LRRC7: variants seen among roughly 807,000 people sequenced by gnomAD.
The protein encoded by LRRC7 is leucine-rich repeat-containing protein 7.
Under a neutral mutation model 175.7 loss-of-function variants are expected in LRRC7, and 23 were observed. The ratio of observed to expected loss-of-function variants is 0.13; its 90% CI spans 0.09 to 0.19. LRRC7 has a LOEUF of 0.19. LRRC7 is among the 10% of genes least tolerant of loss of function. The probability of loss-of-function intolerance (pLI) is 1.00; values close to 1 mark genes in which losing one functional copy is unlikely to be tolerated. For synonymous variants in LRRC7, 685 were observed against 680.9 expected, an observed-to-expected ratio of 1.01 and a Z score of -0.09; for missense variants, 1,354 against 1,904.7, an observed-to-expected ratio of 0.71 and a Z score of 5.38.
intron 4 of LRRC7, among the ~76,000 whole-genome samples, chr1:69,797,406 A>G (rs530342121): frequency 6.6e-5 from 10 of 152,266 alleles, no homozygotes; most frequent in Admixed American, 6.5e-4. Flanking sequence ...AACACTCCCA[A>G]TATAAAGTAT....
chr1:69,891,972 CA>C (rs988257160), intron 7 of LRRC7, among the ~76,000 whole-genome samples: 1 of 122,122 alleles, frequency 8.2e-6, no homozygotes, highest in African/African-American at 2.7e-5. Flanking sequence ...ATTCTCATCA[CA>C]AAAAAAGAAA....
At chr1:69,621,731 G>T (rs1650643551) in intron 1 of LRRC7, among the ~76,000 whole-genome samples, 1 of 152,128 alleles carries the variant, frequency 6.6e-6, no homozygotes, top group African/African-American at 2.4e-5. Flanking sequence ...TGTATTCAAA[G>T]CTTCTTTCTA....
At chr1:69,754,624 T>C (rs938806172) in intron 2 of LRRC7, among the ~76,000 whole-genome samples, 10 of 151,972 alleles carry the variant, frequency 6.6e-5, no homozygotes, top group African/African-American at 9.7e-5. Flanking sequence ...ATGAGGAAAC[T>C]GATAGAGGTA....
chr1:69,653,083 A>G (rs1221064302), intron 1 of LRRC7, among the ~76,000 whole-genome samples: 1 of 152,134 alleles, frequency 6.6e-6, no homozygotes, highest in Non-Finnish European at 1.5e-5. Flanking sequence ...AACAAAAGTA[A>G]GAATAGACAT....
chr1:70,078,321 T>C (rs992511411), intron 24 of LRRC7, among the ~76,000 whole-genome samples: 3 of 152,220 alleles, frequency 2.0e-5, no homozygotes, highest in Non-Finnish European at 4.4e-5. Flanking sequence ...TGAGTCAGTT[T>C]CTTAAAGCTG....
intron 7 of LRRC7, among the ~76,000 whole-genome samples, chr1:69,909,619 A>C (rs1183012881): frequency 1.3e-5 from 2 of 152,232 alleles, no homozygotes; most frequent in East Asian, 3.9e-4. Flanking sequence ...TCTGGCTTGT[A>C]GGGTTTCTGC....
Position 69,861,056 on chromosome 1 carries a change from ACT to A in LRRC7, c.647+22777_647+22778del, listed in dbSNP as rs941927113. Among the ~76,000 whole-genome samples, 17 of 152,060 alleles carry A rather than the reference ACT, an allele frequency of 1.1e-4. 1 individual carries two copies. The highest frequency in any genetic ancestry group is 2.9e-4 in the African/African-American group (12 of 41,516). On this transcript the variant is annotated intron_variant, in intron 7 of 26. Transcript: ENST00000651989. ...AGAGTGTGAGAAAGAGGAGGAAAAC[ACT>A]CTCATTTTATAAGTATAATTGTAAA...
At position 70,038,802 on chromosome 1, in the gene LRRC7, T is replaced by C; in HGVS notation, c.2978T>C (p.Ile993Thr). The C allele has an allele frequency of 3.7e-6, 6 of 1,614,074 alleles. No individual in the cohort carries two copies. ...TCACAGAGTATCGATGAGATTGACATTGGTACATATAAGGTGTATAACATA... is the reference window on the plus strand; with the variant it reads ...TCACAGAGTATCGATGAGATTGACACTGGTACATATAAGGTGTATAACATA... ...KKSQSIDEIDIGTYKVYNIPL... is the reference protein window; with the variant it reads ...KKSQSIDEIDTGTYKVYNIPL... Residue 993 changes from isoleucine (I) to threonine (T), a missense_variant, in exon 21 of 27, where the codon ATT (isoleucine) becomes ACT (threonine). Transcript: ENST00000651989.
chr1:70,106,285 G>A (rs1252293511), intron 25 of LRRC7, among the ~76,000 whole-genome samples: 5 of 151,998 alleles, frequency 3.3e-5, no homozygotes, highest in African/African-American at 4.8e-5. Context: ...AAGAAACTCC[G>A]TACATGTTAA....
At chr1:69,974,996 ATTAT>A (rs1201063952) in intron 8 of LRRC7, among the ~76,000 whole-genome samples, 17 of 152,162 alleles carry the variant, frequency 1.1e-4, no homozygotes, top group Admixed American at 2.6e-4. Flanking sequence ...TTATTATCAG[ATTAT>A]TTATCCATAA....
chr1:69,772,481 G>A (rs536153234), intron 3 of LRRC7, among the ~76,000 whole-genome samples: 64 of 152,328 alleles, frequency 4.2e-4, no homozygotes, highest in African/African-American at 1.5e-3. Context: ...ATGGTCTTAA[G>A]ATTTTATTCT....
At chr1:69,838,348 A>G (rs1246820953) in intron 7 of LRRC7, 65 bp downstream of exon 7, 5 of 1,292,256 alleles carry the variant, frequency 3.9e-6, no homozygotes, top group Admixed American at 3.5e-5. Flanking sequence ...AGAAATAACT[A>G]CTTTTATTTT....
At chr1:69,887,786 A>G (rs970977972) in intron 7 of LRRC7, among the ~76,000 whole-genome samples, 7 of 145,838 alleles carry the variant, frequency 4.8e-5, no homozygotes, top group African/African-American at 1.6e-4. Flanking sequence ...TGATGTACAG[A>G]TGGGTTTTTG....
intron 7 of LRRC7, among the ~76,000 whole-genome samples, chr1:69,906,766 C>T (rs552574218): frequency 2.6e-5 from 4 of 152,114 alleles, no homozygotes; most frequent in African/African-American, 4.8e-5. Context: ...TCCATATGAA[C>T]TTTAAAGCAG....
intron 7 of LRRC7, among the ~76,000 whole-genome samples, chr1:69,916,068 A>ATATATATAATATATATAATATACATATTT (rs1557884085): frequency 3.7e-4 from 42 of 112,954 alleles, no homozygotes; most frequent in African/African-American, 1.4e-3. Context: ...TGTATATTTT[A>ATATATATAATATATATAATATACATATTT]TATATATAAT....
At chr1:70,049,640 G>T (rs1660600308) in intron 22 of LRRC7, among the ~76,000 whole-genome samples, 1 of 152,022 alleles carries the variant, frequency 6.6e-6, no homozygotes, top group African/African-American at 2.4e-5. Context: ...TACTCATGTG[G>T]AATTTCGTTA....
At chr1:70,006,461 G>A (rs1340368063) in intron 11 of LRRC7, among the ~76,000 whole-genome samples, 2 of 146,464 alleles carry the variant, frequency 1.4e-5, no homozygotes, top group African/African-American at 5.1e-5. Flanking sequence ...GACAGAGCAA[G>A]ACTCAGTCTC....
At chr1:69,996,912 G>C (rs1655037941) in intron 11 of LRRC7, among the ~76,000 whole-genome samples, 1 of 152,152 alleles carries the variant, frequency 6.6e-6, no homozygotes, top group Admixed American at 6.6e-5. Flanking sequence ...GAACTTTCAA[G>C]TAGTTTTTTC....
At chr1:69,621,292 C>T (rs1019645528) in intron 1 of LRRC7, among the ~76,000 whole-genome samples, 2 of 152,098 alleles carry the variant, frequency 1.3e-5, no homozygotes, top group Admixed American at 6.5e-5. Flanking sequence ...GTGATCCACC[C>T]GCCTTGACCT....
Sources: gnomAD v4.1 joint callset for allele counts (sites outside exome capture counted in the v4.1 genomes callset) on GRCh38, gnomAD v4.1.1 for gene constraint, MANE v1.5 for transcripts, NCBI Gene and HGNC (gene_info 2026-07-23, HGNC 2026-07-21) for gene names.